Variants in GREB1L observed in about 807,000 individuals in gnomAD.
GREB1L encodes the protein GREB1-like protein.
Under a neutral mutation model 200.8 loss-of-function variants are expected in GREB1L, and 17 were observed. That is an observed-to-expected ratio of 0.08 (90% CI 0.06 to 0.13). The LOEUF is 0.13. Ranked by LOEUF, GREB1L falls within the 10% of genes least tolerant of loss-of-function variation. GREB1L has a pLI of 1.00. For synonymous variants in GREB1L, 789 were observed against 893.0 expected (o/e 0.88, Z 2.08); for missense variants, 1,657 against 2,367.7 (o/e 0.70, Z 6.23).
chr18:21,360,256 T>A (rs1156416333), intron 1 of GREB1L, among the ~76,000 whole-genome samples: 1 of 152,262 alleles, frequency 6.6e-6, no homozygotes, highest in East Asian at 1.9e-4. Context: ...TCTCGCTCTG[T>A]CATCCAGGCT....
intron 25 of GREB1L, 127 bp from the exon 26 acceptor site, chr18:21,507,991 C>A: frequency 1.2e-6 from 1 of 859,782 alleles, no homozygotes; most frequent in Non-Finnish European, 1.8e-6. Flanking sequence ...TGCTCACAGC[C>A]TGCTCTGGTG....
At chr18:21,476,767 C>T (rs527788787) in intron 16 of GREB1L, among the ~76,000 whole-genome samples, 14 of 150,910 alleles carry the variant, frequency 9.3e-5, no homozygotes, top group Non-Finnish European at 1.2e-4. Flanking sequence ...TTAATAGAGA[C>T]GGGGTTTCAC....
chr18:21,411,341 G>A (rs1240938779), intron 7 of GREB1L, among the ~76,000 whole-genome samples: 1 of 151,986 alleles, frequency 6.6e-6, no homozygotes, highest in Non-Finnish European at 1.5e-5. Context: ...CGAGTAGCTG[G>A]GACTGCAGGC....
At chr18:21,448,883 A>G (rs889566953) in intron 11 of GREB1L, among the ~76,000 whole-genome samples, 2 of 152,194 alleles carry the variant, frequency 1.3e-5, no homozygotes, top group Non-Finnish European at 2.9e-5. Flanking sequence ...GTTGGAGAAG[A>G]GGGCCAAATG....
chr18:21,425,142 A>G (rs561786325), intron 7 of GREB1L, among the ~76,000 whole-genome samples: 17 of 152,300 alleles, frequency 1.1e-4, no homozygotes, highest in African/African-American at 4.1e-4. Flanking sequence ...TTTTAAATAT[A>G]TATATTTGGG....
chr18:21,417,107 A>C (rs2031713396), intron 7 of GREB1L, among the ~76,000 whole-genome samples: 1 of 152,192 alleles, frequency 6.6e-6, no homozygotes, highest in Non-Finnish European at 1.5e-5. Context: ...CAGAGAGAAA[A>C]GGCATGTAAT....
intron 1 of GREB1L, among the ~76,000 whole-genome samples, chr18:21,275,523 C>T (rs1176486555): frequency 4.6e-5 from 7 of 151,800 alleles, no homozygotes. Flanking sequence ...CGTGGTGGTG[C>T]TCGCCTGTAA....
rs573871373 is a variant in GREB1L at position 21,276,924 on chromosome 18, C to CTT, written c.-120+34555_-120+34556dup. Among the ~76,000 whole-genome samples, 154 of 107,646 alleles carry CTT rather than the reference C, an allele frequency of 1.4e-3. 1 individual carries two copies. Among genetic ancestry groups the CTT allele is most frequent in the Admixed American group, 2.4e-3 (21 of 8,638 alleles). The allele number at this position is 107,646 out of a possible 152,430, so 70.6% of individuals were successfully genotyped here. On this transcript the variant is annotated intron_variant, in intron 1 of 32. Coordinates refer to ENST00000424526, the MANE Select transcript of GREB1L (RefSeq NM_001142966.3). ...CTCTCCTTCCCTTTACAGCCCAGCC[C>CTT]TTTTTTTTTTTTTTTTTTTTTTTTT...
rs1418862420 is a variant in GREB1L at position 21,490,021 on chromosome 18, G to T, written c.2700G>T (p.Arg900Ser). Residue 900 changes from arginine to serine, a missense_variant, in exon 19 of 33, where the codon AGG becomes AGT. Arg to Ser is a moderately radical substitution (Grantham distance 110, BLOSUM62 -1). Around this residue, in one of 9 missense-constraint regions of GREB1L, gnomAD observed 82 missense variants for 95.9 expected, o/e 0.85. Transcript: ENST00000424526. Reference sequence around the variant, plus strand: ...TTGTTTTCTGTTGAAGGTACCCCAGGCTGCACAGCATGGTCGTCCGCTGCT... The same window carrying T: ...TTGTTTTCTGTTGAAGGTACCCCAGTCTGCACAGCATGGTCGTCCGCTGCT... Reference protein sequence around the residue: ...MVNTLLERYPRLHSMVVRCYL... With the variant: ...MVNTLLERYPSLHSMVVRCYL... 1.3e-6 allele frequency: 2 copies of T among 1,551,024 alleles called. No individual in the cohort carries two copies. The highest frequency in any genetic ancestry group is 1.4e-5 in the African/African-American group (1 of 73,024).
chr18:21,444,299 A>G lies in GREB1L; in HGVS notation c.1283A>G (p.Lys428Arg). Reference protein sequence around the residue: ...VVSPLLVNCYKIPQLENKDLE... With the variant: ...VVSPLLVNCYRIPQLENKDLE... ...AGTCCTCTGCTGGTGAATTGCTACA[A>G]GATTCCACAGTTGGAAAACAAAGAT... The change falls in exon 11 of 33, where the codon AAG becomes AGG. Residue 428 changes from lysine to arginine, a missense_variant. This residue lies in a region of GREB1L where 289 missense variants were observed against 345.1 expected (regional missense o/e 0.84). Coordinates refer to ENST00000424526, the MANE Select transcript of GREB1L (RefSeq NM_001142966.3). 1.3e-6 allele frequency: 2 copies of G among 1,551,698 alleles called. No individual in the cohort carries two copies. The highest frequency in any genetic ancestry group is 2.7e-5 in the African/African-American group (2 of 73,176).
In GREB1L at chr18:21,383,637, T is replaced by G. The variant is rs2040416137; in HGVS notation, c.119T>G (p.Leu40Arg). ...SVVPRPIFSQ[L>R]YLDPDQHPFS... ...GTACCACGGCCAATTTTTTCCCAGCTATACCTGGACCCTGACCAGCATCCT... is the reference window on the plus strand; with the variant it reads ...GTACCACGGCCAATTTTTTCCCAGCGATACCTGGACCCTGACCAGCATCCT... Residue 40 changes from leucine (L) to arginine (R), a missense_variant, in exon 3 of 33, where the codon CTA becomes CGA. Coordinates refer to ENST00000424526, the MANE Select transcript of GREB1L (RefSeq NM_001142966.3). The G allele has an allele frequency of 6.4e-7, 1 of 1,551,494 alleles. No individual in the cohort carries two copies. Among genetic ancestry groups the G allele is most frequent in the Non-Finnish European group, 8.7e-7 (1 of 1,146,894 alleles).
chr18:21,377,913 A>G (rs1486761707), intron 2 of GREB1L, among the ~76,000 whole-genome samples: 1 of 152,056 alleles, frequency 6.6e-6, no homozygotes, highest in East Asian at 1.9e-4. Context: ...TCTGTCTCAA[A>G]AAAAACAGAG....
At chr18:21,393,307 C>G (rs79113020) in intron 4 of GREB1L, among the ~76,000 whole-genome samples, 6 of 151,952 alleles carry the variant, frequency 3.9e-5, no homozygotes, top group Non-Finnish European at 7.4e-5. Context: ...GTTTTTTTCC[C>G]TGTTCTTGAG....
intron 31 of GREB1L, among the ~76,000 whole-genome samples, chr18:21,518,538 A>G (rs971366418): frequency 1.3e-5 from 2 of 152,172 alleles, no homozygotes; most frequent in East Asian, 3.8e-4. Context: ...TAAGAAGCCT[A>G]CCTCGGTGAC....
rs958368836 is a variant in GREB1L, at chr18:21,525,260, C to T, written c.*2439C>T. ...TGTGATTTTTAGAAAATGGGGCACC[C>T]GTGTTATTACTGTAAAATGTTCTTA... On this transcript the variant is annotated 3_prime_UTR_variant, in exon 33 of 33. Transcript: ENST00000424526. The T allele has an allele frequency of 6.6e-6, 1 of 152,026 alleles. No homozygotes were observed. The highest frequency in any genetic ancestry group is 1.5e-5 in the Non-Finnish European group (1 of 68,004). 9.4% of individuals were successfully genotyped at this position (152,026 alleles called of 1,614,324 possible).
At chr18:21,327,725 TG>T (rs1227963396) in intron 1 of GREB1L, among the ~76,000 whole-genome samples, 1 of 140,728 alleles carries the variant, frequency 7.1e-6, no homozygotes. Context: ...GGTGGGGAGG[TG>T]GGGGGCACGG....
chr18:21,506,320 G>C (rs1331108133), intron 25 of GREB1L, among the ~76,000 whole-genome samples: 1 of 151,948 alleles, frequency 6.6e-6, no homozygotes, highest in Non-Finnish European at 1.5e-5. Context: ...GCTTGAACCT[G>C]GAAGGTAAAG....
chr18:21,448,884 G>A (rs767327658), intron 11 of GREB1L, among the ~76,000 whole-genome samples: 12 of 152,142 alleles, frequency 7.9e-5, no homozygotes, highest in Non-Finnish European at 1.8e-4. Flanking sequence ...TTGGAGAAGA[G>A]GGCCAAATGG....
intron 7 of GREB1L, among the ~76,000 whole-genome samples, chr18:21,433,390 G>A (rs1042008575): frequency 5.9e-5 from 9 of 152,228 alleles, no homozygotes; most frequent in Admixed American, 3.3e-4. Flanking sequence ...AAAATTATAG[G>A]TATAAACTAG....
Sources: gnomAD v4.1 joint callset for allele counts (sites outside exome capture counted in the v4.1 genomes callset) on GRCh38, gnomAD v4.1.1 for gene constraint, gnomAD v4.1.1 regional missense constraint, MANE v1.5 for transcripts, NCBI Gene and HGNC (gene_info 2026-07-23, HGNC 2026-07-21) for gene names.